Variants in CORO2B observed in about 807,000 individuals in gnomAD.
The protein encoded by CORO2B is coronin 2B, also known as coronin-2B.
A neutral mutation model predicts 58.8 loss-of-function variants in CORO2B; 26 were observed. That is an observed-to-expected ratio of 0.44 (90% CI 0.32 to 0.61). The LOEUF is 0.61. CORO2B is among the 20% of genes least tolerant of loss of function. The pLI is 0.04. For synonymous variants in CORO2B, 242 were observed against 253.8 expected (o/e 0.95, Z 0.44); for missense variants, 460 against 645.1 (o/e 0.71, Z 3.11).
chr15:68,571,146 T>G, the CORO2B span, among the ~76,000 whole-genome samples: 4 of 152,140 alleles, frequency 2.6e-5, no homozygotes, highest in Non-Finnish European at 5.9e-5. Context: ...CCAAGCACAT[T>G]TAAATGAGTT....
Position 68,711,408 on chromosome 15 carries a change from C to T in CORO2B, c.484-134C>T, listed in dbSNP as rs184201170. 19 of 659,508 alleles carry T rather than the reference C, an allele frequency of 2.9e-5. No homozygotes were observed. The East Asian group carries it at 4.8e-4, about 17-fold the overall frequency. The allele number at this position is 659,508 out of a possible 1,614,324, so 40.9% of individuals were successfully genotyped here. A position where few individuals can be genotyped will look rare whatever the true frequency, so the allele number is the denominator to read the frequency against. ...GCCTTTCCATATAGAACTCAATGACCCCCTCCTGCACCCCAGCACACCCCA... is the reference window on the plus strand; with the variant it reads ...GCCTTTCCATATAGAACTCAATGACTCCCTCCTGCACCCCAGCACACCCCA... On this transcript the variant is annotated intron_variant, in intron 4 of 11. Coordinates refer to ENST00000261861, the MANE Select transcript of CORO2B (RefSeq NM_006091.5).
At chr15:68,627,350 G>A (rs1464211631) in intron 1 of CORO2B, among the ~76,000 whole-genome samples, 2 of 152,208 alleles carry the variant, frequency 1.3e-5, no homozygotes, top group Admixed American at 1.3e-4. Flanking sequence ...AGGGCAACTT[G>A]CCCTCAGTGC....
the CORO2B span, among the ~76,000 whole-genome samples, chr15:68,561,486 C>T: frequency 2.0e-5 from 3 of 152,216 alleles, no homozygotes; most frequent in East Asian, 3.9e-4. Context: ...TGGGGCCCAG[C>T]GGGACAGGTA....
chr15:68,645,471 T>G lies in CORO2B; in HGVS notation c.216+111T>G. 2.0e-6 allele frequency: 2 copies of G among 999,770 alleles called. No individual in the cohort carries two copies. Among genetic ancestry groups the G allele is most frequent in the Non-Finnish European group, 2.9e-6 (2 of 688,744 alleles). The allele number at this position is 999,770 out of a possible 1,614,324, so 61.9% of individuals were successfully genotyped here. A position where few individuals can be genotyped will look rare whatever the true frequency, so the allele number is the denominator to read the frequency against. On this transcript the variant is annotated intron_variant, in intron 2 of 11. Coordinates refer to ENST00000261861, the MANE Select transcript of CORO2B (RefSeq NM_006091.5). This position sits in a 1 kb window ranked among gnomAD's most constrained non-coding sequence, Gnocchi z 4.5. ...TTCTCTCTGAGTTCCCACCTTTTAC[T>G]TCCTCATCAAGCATCTAGTGGCTAT...
intron 2 of CORO2B, among the ~76,000 whole-genome samples, chr15:68,690,390 T>A (rs1287389457): frequency 6.6e-6 from 1 of 152,200 alleles, no homozygotes; most frequent in Non-Finnish European, 1.5e-5. Context: ...CTTAATTACA[T>A]GCCTTTACCA....
intron 3 of CORO2B, among the ~76,000 whole-genome samples, chr15:68,702,171 A>T (rs1022668253): frequency 1.3e-5 from 2 of 152,128 alleles, no homozygotes; most frequent in Admixed American, 1.3e-4. Context: ...GGAGGAGGGT[A>T]GTCTGCCTGA....
intron 2 of CORO2B, among the ~76,000 whole-genome samples, chr15:68,653,029 C>CGA (rs1346382559): frequency 6.6e-6 from 1 of 152,126 alleles, no homozygotes; most frequent in Non-Finnish European, 1.5e-5. Context: ...TTTTGGAAGC[C>CGA]GAGAGAGTAG....
chr15:68,620,852 C>T (rs562405151), intron 1 of CORO2B, among the ~76,000 whole-genome samples: 11 of 152,258 alleles, frequency 7.2e-5, no homozygotes, highest in African/African-American at 1.7e-4. Context: ...CAGGGTTGGG[C>T]GGGGAGCCAG....
chr15:68,627,274 A>G (rs746761396), intron 1 of CORO2B, among the ~76,000 whole-genome samples: 5 of 152,212 alleles, frequency 3.3e-5, no homozygotes, highest in African/African-American at 7.2e-5. Flanking sequence ...AATGACTAAG[A>G]CATCATCCCA....
chr15:68,599,324 A>T (rs1330633896), intron 1 of CORO2B, among the ~76,000 whole-genome samples: 1 of 152,198 alleles, frequency 6.6e-6, no homozygotes, highest in Non-Finnish European at 1.5e-5. Flanking sequence ...GGCAAGCCCC[A>T]TGCCCTGAGT....
intron 8 of CORO2B, among the ~76,000 whole-genome samples, chr15:68,715,526 C>T (rs1436027313): frequency 6.6e-6 from 1 of 152,222 alleles, no homozygotes; most frequent in Non-Finnish European, 1.5e-5. Flanking sequence ...CCACCATCAG[C>T]GGCAGCTTGC....
chr15:68,648,416 G>A (rs1477215539), intron 2 of CORO2B, among the ~76,000 whole-genome samples: 3 of 152,078 alleles, frequency 2.0e-5, no homozygotes, highest in African/African-American at 7.2e-5. Context: ...GGAGGCAGAG[G>A]CGGGTGGATC....
chr15:68,579,215 G>C lies in CORO2B; in HGVS notation c.-48G>C. On this transcript the variant is annotated 5_prime_UTR_variant, in exon 1 of 12. Coordinates refer to ENST00000261861, the MANE Select transcript of CORO2B (RefSeq NM_006091.5). ...GCCGCCGCCCCGGGCCGCCGCCGCC[G>C]CCCCCGCACGCCGCGCCCGCGCCCC... 1 of 1,047,244 alleles carries C rather than the reference G, an allele frequency of 9.5e-7. No individual in the cohort carries two copies. The highest frequency in any genetic ancestry group is 5.7e-5 in the Admixed American group (1 of 17,600). The allele number at this position is 1,047,244 out of a possible 1,614,324, so 64.9% of individuals were successfully genotyped here.
chr15:68,717,356 A>G (rs1260820820), intron 8 of CORO2B, among the ~76,000 whole-genome samples: 1 of 151,818 alleles, frequency 6.6e-6, no homozygotes, highest in African/African-American at 2.4e-5. Flanking sequence ...GAGAGAATGG[A>G]TTTGGGAGGG....
chr15:68,559,734 C>A, the CORO2B span: 1 of 721,788 alleles, frequency 1.4e-6, no homozygotes, highest in Non-Finnish European at 1.7e-6. The surrounding 1 kb of genome is among the most constrained non-coding windows in gnomAD (Gnocchi z 4.3). Flanking sequence ...GGTGAGGCTG[C>A]GGCGCCCGAG....
the CORO2B span, among the ~76,000 whole-genome samples, chr15:68,530,036 C>G: frequency 2.5e-3 from 382 of 152,242 alleles, 2 homozygotes; most frequent in African/African-American, 8.8e-3. Context: ...TAAAAATATG[C>G]TGAGACGGCC....
chr15:68,650,104 AC>A (rs1162886350), intron 2 of CORO2B, among the ~76,000 whole-genome samples: 12 of 151,878 alleles, frequency 7.9e-5, no homozygotes, highest in Non-Finnish European at 1.8e-4. Context: ...AAAAATATCT[AC>A]CCCCTGTAAT....
intron 11 of CORO2B, among the ~76,000 whole-genome samples, chr15:68,724,095 CA>C (rs1893234635): frequency 6.6e-6 from 1 of 152,056 alleles, no homozygotes; most frequent in African/African-American, 2.4e-5. Context: ...CCAGCTACTC[CA>C]GAGGCTGAAG....
At chr15:68,632,727 A>G (rs1004934660) in intron 1 of CORO2B, among the ~76,000 whole-genome samples, 5 of 152,082 alleles carry the variant, frequency 3.3e-5, no homozygotes, top group Admixed American at 6.6e-5. Context: ...AGTAGCTGGG[A>G]CTATAGGTGC....
Sources: gnomAD v4.1 joint callset for allele counts (sites outside exome capture counted in the v4.1 genomes callset) on GRCh38, gnomAD v4.1.1 for gene constraint, Gnocchi (gnomAD v3.1) non-coding constraint, MANE v1.5 for transcripts, NCBI Gene and HGNC (gene_info 2026-07-23, HGNC 2026-07-21) for gene names.